Variants in AP2A2 observed in about 807,000 individuals in gnomAD.
AP2A2 encodes the protein adaptor related protein complex 2 subunit alpha 2.
AP2A2 carries 32 observed loss-of-function variants against 104.2 expected under a neutral mutation model. The ratio of observed to expected loss-of-function variants is 0.31; its 90% confidence interval spans 0.23 to 0.41. AP2A2 has a LOEUF of 0.41. AP2A2 is among the 10% of genes least tolerant of loss of function. AP2A2 has a pLI of 1.00. For synonymous variants in AP2A2, 539 were observed against 533.3 expected (o/e 1.01, Z -0.15); for missense variants, 912 against 1,261.0 (o/e 0.72, Z 4.19).
chr11:935,864 GA>G (rs1275370614), intron 1 of AP2A2, among the ~76,000 whole-genome samples: 14 of 146,852 alleles, frequency 9.5e-5, no homozygotes, highest in Middle Eastern at 3.9e-3. Flanking sequence ...AAAGTGCTGG[GA>G]ATTACAGGCG....
intron 21 of AP2A2, chr11:1,010,250 TGCTGCTGTCGCCCAG>T: frequency 1.9e-6 from 1 of 526,166 alleles, no homozygotes; most frequent in South Asian, 3.0e-5. Flanking sequence ...CACCCAGGAG[TGCTGCTGTCGCCCAG>T]GGCCTGTGTG....
rs750665052 is a variant in AP2A2, at chr11:993,815, G to A, written c.1612G>A (p.Ala538Thr). The A allele has an allele frequency of 2.5e-6, 4 of 1,608,000 alleles. No individual in the cohort carries two copies. The highest frequency in any genetic ancestry group is 2.2e-5 in the East Asian group (1 of 44,834). ...CCACCTGTGCAGCGTCCCCACCCGC[G>A]CGCTGCTCCTGTCCACCTACATCAA... The part of the protein sequence containing the change: ...KFHLCSVPTR[A>T]LLLSTYIKFV... The change falls in exon 13 of 22, where the codon GCG becomes ACG. Residue 538 changes from alanine (A) to threonine (T), a missense_variant. Physicochemically the swap from Ala to Thr is moderately conservative, Grantham distance 58. Coordinates refer to ENST00000448903, the MANE Select transcript of AP2A2 (RefSeq NM_012305.4). The surrounding 1 kb of genome is among the most constrained non-coding windows in gnomAD (Gnocchi z 8.2).
chr11:973,236 A>G (rs1429449038), intron 4 of AP2A2, among the ~76,000 whole-genome samples: 1 of 152,186 alleles, frequency 6.6e-6, no homozygotes, highest in East Asian at 1.9e-4. Flanking sequence ...ACTGGGCCAC[A>G]TTGGCTTTGT....
chr11:985,631 T>C lies in AP2A2; in HGVS notation c.962+49T>C, dbSNP rs772441589. 5 of 1,609,700 alleles carry C rather than the reference T, an allele frequency of 3.1e-6. No individual in the cohort carries two copies. In the East Asian group the frequency reaches 1.1e-4, roughly 36 times the overall value. Reference sequence around the variant, plus strand: ...GCTTCGTCTCGCGCACACACACACGTTCCTTCTCGTTGGCACGAGACTGGG... The same window carrying C: ...GCTTCGTCTCGCGCACACACACACGCTCCTTCTCGTTGGCACGAGACTGGG... On this transcript the variant is annotated intron_variant, in intron 8 of 21. Transcript: ENST00000448903.
intron 1 of AP2A2, among the ~76,000 whole-genome samples, chr11:951,225 C>A (rs1162145564): frequency 6.6e-6 from 1 of 151,910 alleles, no homozygotes; most frequent in East Asian, 1.9e-4. Context: ...TCACACTTAC[C>A]CAGATGGCTG....
intron 1 of AP2A2, among the ~76,000 whole-genome samples, chr11:943,633 C>T (rs948373919): frequency 1.3e-5 from 2 of 151,988 alleles, no homozygotes; most frequent in African/African-American, 2.4e-5. Flanking sequence ...GTGAAAGCTG[C>T]GAAGAGTCCC....
chr11:1,008,976 C>A, intron 18 of AP2A2, 124 bp from the exon 19 acceptor site: 1 of 762,898 alleles, frequency 1.3e-6, no homozygotes, highest in Non-Finnish European at 2.1e-6. Flanking sequence ...AAGGCTCGGC[C>A]CCCCGACCCG....
At position 1,010,749 on chromosome 11, in the gene AP2A2, C is replaced by G. The variant is rs763132868; in HGVS notation, c.*124C>G. On this transcript the variant is annotated 3_prime_UTR_variant, in exon 22 of 22. Transcript: ENST00000448903. ...CACAGCACAAGGCGCCTCCCCGCCC[C>G]GCCGCCCCACACCTCTCCCCTTTGG... 1.3e-6 allele frequency: 1 copy of G among 795,332 alleles called. No individual in the cohort carries two copies. Among genetic ancestry groups the G allele is most frequent in the Non-Finnish European group, 2.1e-6 (1 of 466,402 alleles). 49.3% of individuals were successfully genotyped at this position (795,332 alleles called of 1,614,324 possible).
intron 10 of AP2A2, among the ~76,000 whole-genome samples, chr11:990,772 TC>T (rs1426967253): frequency 8.1e-6 from 1 of 122,744 alleles, no homozygotes; most frequent in Non-Finnish European, 1.6e-5. Context: ...GGCAGGGTGC[TC>T]CCCCCACCCC....
chr11:995,795 C>T (rs147074995), intron 14 of AP2A2, among the ~76,000 whole-genome samples: 95 of 141,888 alleles, frequency 6.7e-4, no homozygotes, highest in East Asian at 4.0e-3. Flanking sequence ...CCTGTCCCCC[C>T]GTGCCCTCTC....
rs1286488680 is a variant in AP2A2 at position 968,149 on chromosome 11, G to A, written c.137-2020G>A. ...ATCCACGTGCTGCCACATGAGCAGCGGGCCGAGCACTGTGGCTTTCTCCTC... is the reference window on the plus strand; with the variant it reads ...ATCCACGTGCTGCCACATGAGCAGCAGGCCGAGCACTGTGGCTTTCTCCTC... On this transcript the variant is annotated intron_variant, in intron 2 of 21. Transcript: ENST00000448903. The surrounding 1 kb of genome is among the most constrained non-coding windows in gnomAD (Gnocchi z 4.2). Among the ~76,000 whole-genome samples the A allele has an allele frequency of 1.3e-5, 2 of 152,082 alleles. No individual in the cohort carries two copies. Among genetic ancestry groups the A allele is most frequent in the Non-Finnish European group, 2.9e-5 (2 of 68,028 alleles).
At chr11:930,484 T>C (rs1182173021) in intron 1 of AP2A2, among the ~76,000 whole-genome samples, 1 of 152,148 alleles carries the variant, frequency 6.6e-6, no homozygotes, top group Non-Finnish European at 1.5e-5. Context: ...TAAATTGGCA[T>C]TAAAAAAATT....
chr11:966,539 T>C (rs1854623273), intron 2 of AP2A2, among the ~76,000 whole-genome samples: 1 of 152,200 alleles, frequency 6.6e-6, no homozygotes, highest in South Asian at 2.1e-4. Context: ...GGGCAGCCTG[T>C]TTTTCATTTT....
At chr11:963,625 T>C (rs771089546) in intron 2 of AP2A2, among the ~76,000 whole-genome samples, 5 of 152,114 alleles carry the variant, frequency 3.3e-5, no homozygotes, top group Non-Finnish European at 5.9e-5. Flanking sequence ...AGTTGATCAA[T>C]TGATTGATCT....
intron 1 of AP2A2, among the ~76,000 whole-genome samples, chr11:951,592 C>T (rs1248668183): frequency 1.3e-5 from 2 of 152,118 alleles, no homozygotes; most frequent in Middle Eastern, 3.4e-3. Flanking sequence ...CGTGGCTGGA[C>T]CAGTGCTTTG....
At chr11:959,182 G>A (rs1015088863) in intron 1 of AP2A2, among the ~76,000 whole-genome samples, 29 of 152,228 alleles carry the variant, frequency 1.9e-4, no homozygotes, top group African/African-American at 7.0e-4. Context: ...CGGCTGGCCC[G>A]GGCGGTTCAG....
chr11:927,551 C>T (rs1365975392), intron 1 of AP2A2, among the ~76,000 whole-genome samples: 2 of 150,440 alleles, frequency 1.3e-5, no homozygotes, highest in Non-Finnish European at 3.0e-5. Context: ...TGCGGTGGCT[C>T]AAACCTATAG....
At chr11:958,712 G>C (rs907546066) in intron 1 of AP2A2, among the ~76,000 whole-genome samples, 1 of 152,074 alleles carries the variant, frequency 6.6e-6, no homozygotes, top group African/African-American at 2.4e-5. Flanking sequence ...TTGTAGGAGT[G>C]CTAATCCCAT....
At chr11:988,512 C>T (rs1160286494) in intron 9 of AP2A2, 40 bp from the exon 10 acceptor site, 1 of 1,597,204 alleles carries the variant, frequency 6.3e-7, no homozygotes. Context: ...AAGCTTGTGC[C>T]TTGCTCCTGC....
Sources: allele counts gnomAD v4.1 joint callset (sites outside exome capture counted in the v4.1 genomes callset), GRCh38; gene constraint gnomAD v4.1.1; non-coding constraint Gnocchi (gnomAD v3.1); transcripts MANE v1.5; gene names NCBI Gene and HGNC (gene_info 2026-07-23, HGNC 2026-07-21).